The following SBF2 variants were observed in gnomAD, a reference collection of about 807,000 sequenced individuals.
The protein encoded by SBF2 is myotubularin-related protein 13.
SBF2 carries 112 observed loss-of-function variants against 225.2 expected under a neutral mutation model. That is an observed-to-expected ratio of 0.50 (90% CI 0.43 to 0.58). SBF2 has a LOEUF of 0.58. Ranked by LOEUF, SBF2 falls within the 20% of genes least tolerant of loss-of-function variation. The probability of loss-of-function intolerance (pLI) is 0.00; values close to 1 mark genes in which losing one functional copy is unlikely to be tolerated. For synonymous variants in SBF2, 763 were observed against 773.3 expected, an observed-to-expected ratio of 0.99 and a Z score of 0.22; for missense variants, 1,996 against 2,206.2, an observed-to-expected ratio of 0.90 and a Z score of 1.91.
chr11:10,083,737 A>G (rs2134878376), intron 2 of SBF2, among the ~76,000 whole-genome samples: 1 of 152,350 alleles, frequency 6.6e-6, no homozygotes, highest in East Asian at 1.9e-4. Context: ...AAGATGGATT[A>G]AAGACTTAAA....
chr11:9,859,778 CT>C (rs1857579640), intron 17 of SBF2, among the ~76,000 whole-genome samples: 1 of 152,162 alleles, frequency 6.6e-6, no homozygotes, highest in Non-Finnish European at 1.5e-5. Flanking sequence ...TGGTCTAGAA[CT>C]GCATACCACG....
At chr11:10,254,010 G>A (rs11042690) in intron 1 of SBF2, among the ~76,000 whole-genome samples, 2,242 of 152,242 alleles carry the variant, frequency 0.015, 52 homozygotes, top group African/African-American at 0.05. Context: ...AGGATATAGA[G>A]AAAAGGGAAC....
rs372329112 is a variant in SBF2, at chr11:10,043,257, G to A, written c.142-276C>T. Among the ~76,000 whole-genome samples the A allele has an allele frequency of 3.0e-4, 46 of 152,204 alleles. No homozygotes were observed. The East Asian group carries it at 4.0e-3, about 13-fold the overall frequency. On this transcript the variant is annotated intron_variant, in intron 2 of 39. Transcript: ENST00000256190. ...CCAGGTAGGCCTATGTAGGAATACC[G>A]CATCAAAATTAAAGACATCCCCCAA...
At chr11:9,905,829 G>A (rs1012544058) in intron 16 of SBF2, among the ~76,000 whole-genome samples, 2 of 152,142 alleles carry the variant, frequency 1.3e-5, no homozygotes, top group African/African-American at 2.4e-5. Context: ...AGAAAGGAGA[G>A]GGAGAAAAGA....
At chr11:10,232,361 A>C (rs1958893605) in intron 1 of SBF2, among the ~76,000 whole-genome samples, 1 of 152,056 alleles carries the variant, frequency 6.6e-6, no homozygotes, top group African/African-American at 2.4e-5. Context: ...GCGGTACCTC[A>C]GTTGGAAATG....
At chr11:9,879,838 C>T (rs1389263543) in intron 17 of SBF2, among the ~76,000 whole-genome samples, 1 of 151,992 alleles carries the variant, frequency 6.6e-6, no homozygotes, top group Non-Finnish European at 1.5e-5. Flanking sequence ...AATCCCAGCA[C>T]TTTGGGAGGC....
intron 8 of SBF2, among the ~76,000 whole-genome samples, chr11:10,000,655 GATGA>G (rs1947916686): frequency 6.6e-6 from 1 of 152,094 alleles, no homozygotes. Flanking sequence ...TCATATGTAA[GATGA>G]ATAATAAAGA....
chr11:9,808,856 G>A (rs1346526386), intron 31 of SBF2, 45 bp downstream of exon 31: 1 of 1,363,116 alleles, frequency 7.3e-7, no homozygotes, highest in Non-Finnish European at 1.0e-6. Flanking sequence ...ATGACCAAAT[G>A]GAAATATAAA....
intron 1 of SBF2, among the ~76,000 whole-genome samples, chr11:10,221,714 A>C (rs2135407856): frequency 6.6e-6 from 1 of 152,348 alleles, no homozygotes; most frequent in African/African-American, 2.4e-5. Flanking sequence ...GGTATATACC[A>C]AAATATAAAA....
At chr11:10,283,647 A>G (rs1233617917) in intron 1 of SBF2, among the ~76,000 whole-genome samples, 1 of 152,206 alleles carries the variant, frequency 6.6e-6, no homozygotes, top group African/African-American at 2.4e-5. Flanking sequence ...AAAGGCATAT[A>G]AAATTAACAC....
chr11:10,171,900 C>T (rs1482192543), intron 2 of SBF2, among the ~76,000 whole-genome samples: 1 of 152,028 alleles, frequency 6.6e-6, no homozygotes, highest in African/African-American at 2.4e-5. Flanking sequence ...GGAATTTATC[C>T]ATTTCTTCCA....
chr11:10,153,311 T>C (rs1359172665), intron 2 of SBF2, among the ~76,000 whole-genome samples: 1 of 152,196 alleles, frequency 6.6e-6, no homozygotes, highest in African/African-American at 2.4e-5. Context: ...CTAGCATTCA[T>C]AAAATTTAAA....
chr11:9,930,983 A>T (rs1273007995), intron 16 of SBF2, among the ~76,000 whole-genome samples: 1 of 152,248 alleles, frequency 6.6e-6, no homozygotes, highest in Non-Finnish European at 1.5e-5. Context: ...ATGTCCACAG[A>T]GCCTTGCTCA....
intron 17 of SBF2, among the ~76,000 whole-genome samples, chr11:9,872,960 G>A (rs1250515576): frequency 6.6e-6 from 1 of 152,028 alleles, no homozygotes; most frequent in East Asian, 1.9e-4. Flanking sequence ...TTATATTTCT[G>A]AAATGTATAC....
intron 24 of SBF2, among the ~76,000 whole-genome samples, chr11:9,844,715 G>T (rs1230625113): frequency 1.3e-5 from 2 of 152,042 alleles, no homozygotes; most frequent in African/African-American, 2.4e-5. Context: ...TAAATTTTCT[G>T]GCTTTGATTA....
At chr11:9,874,737 GC>G (rs1407679591) in intron 17 of SBF2, among the ~76,000 whole-genome samples, 1 of 152,196 alleles carries the variant, frequency 6.6e-6, no homozygotes, top group Non-Finnish European at 1.5e-5. Flanking sequence ...TAAATATGGG[GC>G]TGGGCCTTGA....
chr11:10,098,468 G>A lies in SBF2; in HGVS notation c.142-55487C>T, dbSNP rs533540342. Among the ~76,000 whole-genome samples the A allele has an allele frequency of 1.1e-4, 15 of 136,924 alleles. No individual in the cohort carries two copies. In the South Asian group the frequency reaches 3.5e-3, roughly 32 times the overall value. The allele number at this position is 136,924 out of a possible 152,430, so 89.8% of individuals were successfully genotyped here. On this transcript the variant is annotated intron_variant, in intron 2 of 39. Transcript: ENST00000256190. ...TGAAGATGGCAAGGCAAGGCTTCAA[G>A]GAAAATTAAAAAAAAAAAAACAAAG...
chr11:9,861,991 G>A (rs931640821), intron 17 of SBF2, among the ~76,000 whole-genome samples: 1 of 152,190 alleles, frequency 6.6e-6, no homozygotes, highest in African/African-American at 2.4e-5. Flanking sequence ...CTGTTTACTA[G>A]GTGAGCATTA....
At chr11:9,964,453 T>G (rs1420566658) in intron 14 of SBF2, among the ~76,000 whole-genome samples, 2 of 152,198 alleles carry the variant, frequency 1.3e-5, no homozygotes, top group Non-Finnish European at 2.9e-5. Flanking sequence ...AAAGTAAAAT[T>G]ATATTAAACA....
Sources: allele counts gnomAD v4.1 joint callset (sites outside exome capture counted in the v4.1 genomes callset), GRCh38; gene constraint gnomAD v4.1.1; transcripts MANE v1.5; gene names NCBI Gene and HGNC (gene_info 2026-07-23, HGNC 2026-07-21).